The following ZNF8 variants were observed in gnomAD, a reference collection of about 807,000 sequenced individuals.
The protein encoded by ZNF8 is zinc finger protein 272.
Under a neutral mutation model 12.2 loss-of-function variants are expected in ZNF8, and 9 were observed. The observed-to-expected ratio is 0.73, with a 90% CI of 0.44 to 1.28. The LOEUF (loss-of-function observed/expected upper bound fraction) is 1.28, where lower values mean the gene tolerates loss of function less well. ZNF8 is among the 50% of genes most tolerant of loss of function. The pLI, the probability that ZNF8 is intolerant of heterozygous loss-of-function variation, is 0.00. For synonymous variants in ZNF8, 274 were observed against 282.3 expected (o/e 0.97, Z 0.30); for missense variants, 664 against 729.1 (o/e 0.91, Z 1.03).
In ZNF8 at chr19:58,302,296, A is replaced by C. The variant is rs906803160; in HGVS notation, c.*6760A>C. 6.6e-6 allele frequency: 1 copy of C among 152,222 alleles called. No individual in the cohort carries two copies. The highest frequency in any genetic ancestry group is 1.5e-5 in the Non-Finnish European group (1 of 68,044). 9.4% of individuals were successfully genotyped at this position (152,222 alleles called of 1,614,324 possible). A position where few individuals can be genotyped will look rare whatever the true frequency, so the allele number is the denominator to read the frequency against. Reference sequence around the variant, plus strand: ...ACTTGGAAAATGCATAAAAGTAAAAAAAAAATGAAAACTTGTGTAAAATTC... The same window carrying C: ...ACTTGGAAAATGCATAAAAGTAAAACAAAAATGAAAACTTGTGTAAAATTC... On this transcript the variant is annotated 3_prime_UTR_variant, in exon 4 of 4. Coordinates refer to ENST00000621650, the MANE Select transcript of ZNF8 (RefSeq NM_021089.3).
Position 58,286,197 on chromosome 19 carries a change from G to T in ZNF8, c.281G>T (p.Cys94Phe). Residue 94 changes from cysteine (C) to phenylalanine (F), a missense_variant, in exon 3 of 4, where the codon TGC (cysteine) becomes TTC (phenylalanine). Transcript: ENST00000621650. The stretch of plus-strand genomic sequence containing the variant: ...GCTGAGAGAGGAACCACCCAGGGCT[G>T]CCATCCAGGTGAGAACCCACTATGT... ...WVAERGTTQGCHPAWEPRSES... is the reference protein window; with the variant it reads ...WVAERGTTQGFHPAWEPRSES... 1 of 1,589,560 alleles carries T rather than the reference G, an allele frequency of 6.3e-7. No individual in the cohort carries two copies. The highest frequency in any genetic ancestry group is 8.5e-7 in the Non-Finnish European group (1 of 1,169,720).
At position 58,298,884 on chromosome 19, in the gene ZNF8, G is replaced by A. The variant is rs1040410447; in HGVS notation, c.*3348G>A. On this transcript the variant is annotated 3_prime_UTR_variant, in exon 4 of 4. Transcript: ENST00000621650. ...TTGTGATGGAGACTTGCTCTGTCAC[G>A]TGGTTCACTGCAACCTCCCAGGTTC... The A allele has an allele frequency of 6.7e-6, 1 of 148,964 alleles. No homozygotes were observed. Among genetic ancestry groups the A allele is most frequent in the Non-Finnish European group, 1.5e-5 (1 of 67,578 alleles). The allele number at this position is 148,964 out of a possible 1,614,324, so 9.2% of individuals were successfully genotyped here.
chr19:58,289,685 A>T (rs2051405204), intron 3 of ZNF8, among the ~76,000 whole-genome samples: 1 of 150,994 alleles, frequency 6.6e-6, no homozygotes, highest in Admixed American at 6.6e-5. Context: ...AGAGTGCTTC[A>T]CTCTGACCCA....
At chr19:58,279,870 G>A (rs2051337652) in intron 1 of ZNF8, 3 of 1,236,950 alleles carry the variant, frequency 2.4e-6, no homozygotes, top group South Asian at 2.7e-5. Context: ...CTGCAACTTT[G>A]AAATTATACT....
At chr19:58,288,337 G>A (rs2051397298) in intron 3 of ZNF8, among the ~76,000 whole-genome samples, 1 of 152,188 alleles carries the variant, frequency 6.6e-6, no homozygotes, top group Non-Finnish European at 1.5e-5. Context: ...TCTCAGAGGT[G>A]CCAGGGCTGA....
chr19:58,286,317 A>G lies in ZNF8; in HGVS notation c.289+112A>G, dbSNP rs1329931289. 3.8e-6 allele frequency: 3 copies of G among 797,128 alleles called. No individual in the cohort carries two copies. In the African/African-American group the frequency reaches 5.1e-5, roughly 14 times the overall value. The allele number at this position is 797,128 out of a possible 1,614,324, so 49.4% of individuals were successfully genotyped here. ...GGTCCTGAAGACCACCCCATTCACTAGGAGTATACAGGACTCAGCATAGAG... is the reference window on the plus strand; with the variant it reads ...GGTCCTGAAGACCACCCCATTCACTGGGAGTATACAGGACTCAGCATAGAG... On this transcript the variant is annotated intron_variant, in intron 3 of 3. Coordinates refer to ENST00000621650, the MANE Select transcript of ZNF8 (RefSeq NM_021089.3).
chr19:58,294,574 C>T lies in ZNF8; in HGVS notation c.766C>T (p.Pro256Ser), dbSNP rs1324080393. 9 of 1,614,004 alleles carry T rather than the reference C, an allele frequency of 5.6e-6. No individual in the cohort carries two copies. The Admixed American group carries it at 8.3e-5, about 15-fold the overall frequency. The change falls in exon 4 of 4, where the codon CCC (proline) becomes TCC (serine). Residue 256 changes from proline to serine, a missense_variant. Physicochemically the swap from Pro to Ser is moderately conservative, Grantham distance 74. Coordinates refer to ENST00000621650, the MANE Select transcript of ZNF8 (RefSeq NM_021089.3). This position sits in a 1 kb window ranked among gnomAD's most constrained non-coding sequence, Gnocchi z 5.5. ...ELTKSQVQDK[P>S]YKCTDCGKSF... ...CACAAAAAGCCAGGTGCAGGACAAA[C>T]CCTACAAATGTACTGACTGTGGGAA...
Position 58,295,585 on chromosome 19 carries a change from A to C in ZNF8, c.*49A>C. 2.1e-6 allele frequency: 3 copies of C among 1,426,854 alleles called. No individual in the cohort carries two copies. The highest frequency in any genetic ancestry group is 2.9e-6 in the Non-Finnish European group (3 of 1,042,498). 88.4% of individuals were successfully genotyped at this position (1,426,854 alleles called of 1,614,324 possible). On this transcript the variant is annotated 3_prime_UTR_variant, in exon 4 of 4. Coordinates refer to ENST00000621650, the MANE Select transcript of ZNF8 (RefSeq NM_021089.3). ...TTAACCACAAGTAAAAAATGTGGTA[A>C]GTCCACATAGTGTACTCATGGAAGG... is the stretch of plus-strand genomic sequence containing the variant.
At chr19:58,292,861 A>C (rs1443544711) in intron 3 of ZNF8, among the ~76,000 whole-genome samples, 1 of 151,698 alleles carries the variant, frequency 6.6e-6, no homozygotes, top group African/African-American at 2.4e-5. Flanking sequence ...CTATTAATTA[A>C]TAGTGCCACT....
At chr19:58,283,714 C>T (rs761993064) in intron 1 of ZNF8, among the ~76,000 whole-genome samples, 13 of 151,576 alleles carry the variant, frequency 8.6e-5, no homozygotes, top group Non-Finnish European at 1.5e-4. Flanking sequence ...ATTCTCCTGC[C>T]TCAGCCTCCC....
chr19:58,283,323 G>GTGTTAGTTTGAA (rs1333580718), intron 1 of ZNF8, among the ~76,000 whole-genome samples: 2 of 152,130 alleles, frequency 1.3e-5, no homozygotes, highest in Non-Finnish European at 2.9e-5. Flanking sequence ...ATAGAAGTCT[G>GTGTTAGTTTGAA]TGTTAGTTTG....
Position 58,279,098 on chromosome 19 carries a change from A to G in ZNF8, c.17A>G (p.Glu6Gly). The change falls in exon 1 of 4, where the codon GAA (glutamate) becomes GGA (glycine). Residue 6 changes from glutamate to glycine, a missense_variant. By Grantham distance (98) the Glu-to-Gly change is moderately conservative. Transcript: ENST00000621650. MDPED[E>G]GVAGVMSVGP... ...CGATCCAGCATGGACCCCGAGGACG[A>G]AGGGGTAGCGGGAGTGATGTCTGTG... 6.5e-7 allele frequency: 1 copy of G among 1,536,874 alleles called. No homozygotes were observed. The highest frequency in any genetic ancestry group is 1.9e-5 in the Admixed American group (1 of 52,058).
At chr19:58,281,082 T>G (rs1283392584) in intron 1 of ZNF8, among the ~76,000 whole-genome samples, 1 of 152,200 alleles carries the variant, frequency 6.6e-6, no homozygotes, top group Non-Finnish European at 1.5e-5. Context: ...TGGATATCCT[T>G]GGAGGCCATT....
rs761083726 is a variant in ZNF8, at chr19:58,295,090, C to T, written c.1282C>T (p.Arg428Cys). 3.3e-5 allele frequency: 54 copies of T among 1,613,910 alleles called. No homozygotes were observed. Among genetic ancestry groups the T allele is most frequent in the African/African-American group, 6.7e-5 (5 of 74,950 alleles). Reference sequence around the variant, plus strand: ...CGCGGGGGAGAAGCCCTTTGAGTGCCGCCAGAGGCTGATCTTTGAGCAGAC... The same window carrying T: ...CGCGGGGGAGAAGCCCTTTGAGTGCTGCCAGAGGCTGATCTTTGAGCAGAC... ...KHAGEKPFEC[R>C]QRLIFEQTPA... Residue 428 changes from arginine to cysteine, a missense_variant, in exon 4 of 4, where the codon CGC becomes TGC. Physicochemically the swap from Arg to Cys is radical, Grantham distance 180. Transcript: ENST00000621650.
At position 58,294,698 on chromosome 19, in the gene ZNF8, ACTC is replaced by A; in HGVS notation, c.895_897del (p.Ser299del). On this transcript the variant is annotated inframe_deletion, in exon 4 of 4. Coordinates refer to ENST00000621650, the MANE Select transcript of ZNF8 (RefSeq NM_021089.3). This position sits in a 1 kb window ranked among gnomAD's most constrained non-coding sequence, Gnocchi z 5.5. ...GAGTGTGGGAAAGCCTTCAGCCAGA[ACTC>A]CTCCCTCGTCCAGCATGAGCGCATC... 1 of 1,613,424 alleles carries A rather than the reference ACTC, an allele frequency of 6.2e-7. No individual in the cohort carries two copies. Among genetic ancestry groups the A allele is most frequent in the Non-Finnish European group, 8.5e-7 (1 of 1,179,848 alleles).
intron 3 of ZNF8, among the ~76,000 whole-genome samples, chr19:58,291,074 C>T (rs1344433995): frequency 6.6e-6 from 1 of 152,166 alleles, no homozygotes; most frequent in Non-Finnish European, 1.5e-5. Flanking sequence ...CCAGGCAGAT[C>T]CCACTCCCAG....
At chr19:58,282,875 G>C (rs2051359388) in intron 1 of ZNF8, among the ~76,000 whole-genome samples, 1 of 152,102 alleles carries the variant, frequency 6.6e-6, no homozygotes, top group South Asian at 2.1e-4. Flanking sequence ...CAATCCACTC[G>C]TCTCAGCCTC....
At chr19:58,283,474 G>T (rs565968481) in intron 1 of ZNF8, among the ~76,000 whole-genome samples, 4 of 151,944 alleles carry the variant, frequency 2.6e-5, no homozygotes, top group Admixed American at 2.6e-4. Flanking sequence ...ACCTGAGCTG[G>T]CACACTCTTG....
intron 3 of ZNF8, chr19:58,286,821 C>T (rs900787601): frequency 1.1e-4 from 17 of 152,390 alleles, no homozygotes; most frequent in African/African-American, 4.1e-4. Flanking sequence ...ATAGCCTTCT[C>T]ACCTGTGCTC....
Sources: gnomAD v4.1 joint callset for allele counts (sites outside exome capture counted in the v4.1 genomes callset) on GRCh38, gnomAD v4.1.1 for gene constraint, Gnocchi (gnomAD v3.1) non-coding constraint, MANE v1.5 for transcripts, NCBI Gene and HGNC (gene_info 2026-07-23, HGNC 2026-07-21) for gene names.